NAV3: variants seen among roughly 807,000 people sequenced by gnomAD.
NAV3 encodes the protein neuron navigator 3.
In NAV3, 87 loss-of-function variants were observed where a neutral mutation model predicts 244.7. The ratio of observed to expected loss-of-function variants is 0.36; its 90% CI spans 0.30 to 0.42. The LOEUF is 0.42. Ranked by LOEUF, NAV3 falls within the 20% of genes least tolerant of loss-of-function variation. The probability of loss-of-function intolerance (pLI) is 1.00; values close to 1 mark genes in which losing one functional copy is unlikely to be tolerated. For missense variants in NAV3, 2,663 were observed against 2,893.3 expected (o/e 0.92, Z 1.83); for synonymous variants, 1,126 against 1,042.2 (o/e 1.08, Z -1.55).
intron 3 of NAV3, among the ~76,000 whole-genome samples, chr12:77,963,649 A>T (rs534396402): frequency 6.6e-6 from 1 of 152,280 alleles, no homozygotes; most frequent in African/African-American, 2.4e-5. Flanking sequence ...TCAAGTACTT[A>T]TTCTGTCGCT....
At chr12:77,895,612 C>T (rs1028392411) in intron 1 of NAV3, among the ~76,000 whole-genome samples, 3 of 151,938 alleles carry the variant, frequency 2.0e-5, no homozygotes, top group African/African-American at 7.2e-5. Context: ...ATGTATAAAA[C>T]ATGCTAAGTT....
intron 2 of NAV3, among the ~76,000 whole-genome samples, chr12:77,817,788 G>A (rs1445342528): frequency 1.3e-5 from 2 of 151,972 alleles, no homozygotes; most frequent in Non-Finnish European, 2.9e-5. Context: ...AAGCTGTTGG[G>A]GAAAAATCCC....
chr12:78,163,849 C>G (rs1957669195), intron 23 of NAV3, among the ~76,000 whole-genome samples: 2 of 151,948 alleles, frequency 1.3e-5, no homozygotes, highest in South Asian at 4.2e-4. Context: ...TTCTCTTCAC[C>G]AGCACTTCTT....
At chr12:77,775,393 GAA>G (rs34505799) in intron 2 of NAV3, among the ~76,000 whole-genome samples, 8 of 124,584 alleles carry the variant, frequency 6.4e-5, no homozygotes, top group Admixed American at 8.3e-5. Flanking sequence ...AGTCCATCTT[GAA>G]AAAAAAAAAA....
At chr12:78,093,371 T>G (rs763756646) in intron 12 of NAV3, among the ~76,000 whole-genome samples, 43 of 152,336 alleles carry the variant, frequency 2.8e-4, no homozygotes, top group Middle Eastern at 3.4e-3. Flanking sequence ...TAATCAGCAA[T>G]TAGTACAGAG....
intron 9 of NAV3, among the ~76,000 whole-genome samples, chr12:78,035,897 C>T (rs1879788140): frequency 6.6e-6 from 1 of 152,026 alleles, no homozygotes; most frequent in Non-Finnish European, 1.5e-5. Flanking sequence ...TTTTTAGGTC[C>T]TTTACACTCT....
chr12:78,056,951 A>T (rs1883602656), intron 11 of NAV3, among the ~76,000 whole-genome samples: 1 of 152,218 alleles, frequency 6.6e-6, no homozygotes, highest in African/African-American at 2.4e-5. Flanking sequence ...CATGTACTCT[A>T]GGTGTAACTC....
chr12:77,638,322 AC>A, intron 2 of NAV3, among the ~76,000 whole-genome samples: 1 of 152,030 alleles, frequency 6.6e-6, no homozygotes, highest in African/African-American at 2.4e-5. Context: ...AGATCTTACC[AC>A]CCTGAAGAAA....
chr12:77,669,818 A>T (rs1873882828), intron 2 of NAV3, among the ~76,000 whole-genome samples: 1 of 152,266 alleles, frequency 6.6e-6, no homozygotes, highest in Middle Eastern at 3.4e-3. Context: ...ACAAAGAAAC[A>T]GTGGACTTAA....
chr12:78,178,298 T>A (rs570924345), intron 28 of NAV3, among the ~76,000 whole-genome samples: 2 of 151,944 alleles, frequency 1.3e-5, no homozygotes, highest in South Asian at 4.2e-4. Flanking sequence ...TAGCTGGGTT[T>A]ACAGGCGTGC....
At chr12:77,874,497 C>T (rs1329929735) in intron 1 of NAV3, among the ~76,000 whole-genome samples, 1 of 152,026 alleles carries the variant, frequency 6.6e-6, no homozygotes, top group Non-Finnish European at 1.5e-5. Flanking sequence ...AGGCATGATT[C>T]AGTATGCTCA....
chr12:77,658,751 C>A (rs1313759732), intron 2 of NAV3, among the ~76,000 whole-genome samples: 1 of 151,910 alleles, frequency 6.6e-6, no homozygotes, highest in Non-Finnish European at 1.5e-5. Flanking sequence ...GTACTGGTAG[C>A]AAAACAGAGA....
intron 2 of NAV3, among the ~76,000 whole-genome samples, chr12:77,824,677 GA>G (rs1872895320): frequency 6.6e-6 from 1 of 151,980 alleles, no homozygotes; most frequent in Non-Finnish European, 1.5e-5. Context: ...TGGATTACCT[GA>G]AGTCAGGAGT....
chr12:77,764,922 G>A (rs1263714254), intron 2 of NAV3, among the ~76,000 whole-genome samples: 1 of 152,234 alleles, frequency 6.6e-6, no homozygotes, highest in Admixed American at 6.5e-5. Flanking sequence ...TAGCTGCATG[G>A]CAGCCCTCTC....
intron 8 of NAV3, among the ~76,000 whole-genome samples, chr12:78,016,971 A>G (rs1876326105): frequency 6.6e-6 from 1 of 152,148 alleles, no homozygotes; most frequent in Admixed American, 6.6e-5. Flanking sequence ...TAAAATACTT[A>G]GTTCAGAGGC....
intron 11 of NAV3, among the ~76,000 whole-genome samples, chr12:78,058,159 T>G (rs1883792303): frequency 6.6e-6 from 1 of 152,000 alleles, no homozygotes; most frequent in South Asian, 2.1e-4. Context: ...AACATAGAAT[T>G]CTAGGAAGAT....
rs529306997 is a variant in NAV3 at position 77,953,291 on chromosome 12, C to G, written c.414+12158C>G. ...CAGCTAGTCACAGACACACACAACT[C>G]TGTTCTAGCATACATGTGTTTATAG... On this transcript the variant is annotated intron_variant, in intron 3 of 39. Coordinates refer to ENST00000397909, the MANE Select transcript of NAV3 (RefSeq NM_001024383.2). Among the ~76,000 whole-genome samples the G allele has an allele frequency of 1.2e-4, 18 of 152,264 alleles. No individual in the cohort carries two copies. The East Asian group carries it at 2.5e-3, about 21-fold the overall frequency.
intron 2 of NAV3, among the ~76,000 whole-genome samples, chr12:77,656,159 T>C (rs991604436): frequency 6.7e-6 from 1 of 149,654 alleles, no homozygotes; most frequent in African/African-American, 2.5e-5. Context: ...AGACACAGAC[T>C]GGCAAATTGG....
At chr12:77,902,591 G>T (rs1885437270) in intron 1 of NAV3, among the ~76,000 whole-genome samples, 1 of 152,140 alleles carries the variant, frequency 6.6e-6, no homozygotes, top group Admixed American at 6.5e-5. Flanking sequence ...ACAAGACAGG[G>T]ATGCCCTCTC....
Sources: allele counts gnomAD v4.1 joint callset (sites outside exome capture counted in the v4.1 genomes callset), GRCh38; gene constraint gnomAD v4.1.1; transcripts MANE v1.5; gene names NCBI Gene and HGNC (gene_info 2026-07-23, HGNC 2026-07-21).